The following GTPBP4 variants were observed in gnomAD, a reference collection of about 807,000 sequenced individuals.
GTPBP4 encodes the protein GTP-binding protein 4.
Under a neutral mutation model 81.7 loss-of-function variants are expected in GTPBP4, and 15 were observed. That is an observed-to-expected ratio of 0.18 (90% CI 0.12 to 0.28). The LOEUF is 0.28. Among genes scored for constraint, GTPBP4 ranks in the 10% least tolerant of loss-of-function variants. The probability of loss-of-function intolerance (pLI) is 1.00; values close to 1 mark genes in which losing one functional copy is unlikely to be tolerated. For synonymous variants in GTPBP4, 272 were observed against 274.6 expected, an observed-to-expected ratio of 0.99 and a Z score of 0.09; for missense variants, 847 against 793.8, an observed-to-expected ratio of 1.07 and a Z score of -0.81.
At chr10:1,006,353 T>C (rs950533057) in intron 9 of GTPBP4, among the ~76,000 whole-genome samples, 4 of 152,172 alleles carry the variant, frequency 2.6e-5, no homozygotes, top group African/African-American at 9.6e-5. Context: ...AAAAGGACAT[T>C]TCTGGCCAGG....
intron 9 of GTPBP4, among the ~76,000 whole-genome samples, chr10:1,006,544 A>G (rs1443855346): frequency 3.9e-5 from 6 of 152,220 alleles, no homozygotes; most frequent in Non-Finnish European, 8.8e-5. Flanking sequence ...AGGCTGAGGC[A>G]GGAGAATCGT....
rs768707274 is a variant in GTPBP4, at chr10:1,001,034, G to T, written c.912+21G>T. Reference sequence around the variant, plus strand: ...ATCAGGTAAATCACGTTAATATTTTGAATATTTCTTACTTACCAATTCTGA... The same window carrying T: ...ATCAGGTAAATCACGTTAATATTTTTAATATTTCTTACTTACCAATTCTGA... On this transcript the variant is annotated intron_variant, in intron 8 of 16. Transcript: ENST00000360803. 5 of 1,537,506 alleles carry T rather than the reference G, an allele frequency of 3.3e-6. No homozygotes were observed. The African/African-American group carries it at 5.5e-5, about 17-fold the overall frequency.
Position 1,000,815 on chromosome 10 carries a change from C to T in GTPBP4, c.793C>T (p.Leu265=), listed in dbSNP as rs1459388759. The T allele has an allele frequency of 6.2e-7, 1 of 1,610,834 alleles. No homozygotes were observed. The highest frequency in any genetic ancestry group is 8.5e-7 in the Non-Finnish European group (1 of 1,178,198). Reference sequence around the variant, plus strand: ...TTTGTCTGAGCAGTGTGGGCATGGGCTGAGGGAGCAGCTAGAACTCTTCCA... The same window carrying T: ...TTTGTCTGAGCAGTGTGGGCATGGGTTGAGGGAGCAGCTAGAACTCTTCCA... ...MDLSEQCGHG[L]REQLELFQNI... is the part of the protein sequence containing the mutation. The change falls in exon 7 of 17, where the codon CTG becomes TTG. Residue 265 remains leucine, a synonymous_variant. Transcript: ENST00000360803.
Position 1,005,883 on chromosome 10 carries a change from A to T in GTPBP4, c.978A>T (p.Glu326Asp). The change falls in exon 9 of 17, where the codon GAA becomes GAT. Residue 326 changes from glutamate (E) to aspartate (D), a missense_variant. Glu to Asp is a conservative substitution (Grantham distance 45). This residue lies in a region of GTPBP4 where 600 missense variants were observed against 557.1 expected (regional missense o/e 1.08). Coordinates refer to ENST00000360803, the MANE Select transcript of GTPBP4 (RefSeq NM_012341.3). ...TAGAGACCAGCACCCTGACTGAGGAAGGTGTTATTAAAGTTAAAACAGAGG... is the reference window on the plus strand; with the variant it reads ...TAGAGACCAGCACCCTGACTGAGGATGGTGTTATTAAAGTTAAAACAGAGG... ...PVIETSTLTEEGVIKVKTEAC... is the reference protein window; with the variant it reads ...PVIETSTLTEDGVIKVKTEAC... 9 of 1,584,774 alleles carry T rather than the reference A, an allele frequency of 5.7e-6. No homozygotes were observed. Among genetic ancestry groups the T allele is most frequent in the Non-Finnish European group, 7.8e-6 (9 of 1,160,022 alleles).
rs193079534 is a variant in GTPBP4, at chr10:1,016,129, G to A, written c.1752+233G>A. On this transcript the variant is annotated intron_variant, in intron 16 of 16. Transcript: ENST00000360803. ...TCCTTGGCACTTTGCTTTTGCGGAG[G>A]GTGGCCAGAGCATGGTCTGACAGCA... Among the ~76,000 whole-genome samples, 4 of 152,298 alleles carry A rather than the reference G, an allele frequency of 2.6e-5. No homozygotes were observed. In the East Asian group the frequency reaches 5.8e-4, roughly 22 times the overall value.
chr10:1,006,490 T>A (rs1043008216), intron 9 of GTPBP4, among the ~76,000 whole-genome samples: 2 of 152,086 alleles, frequency 1.3e-5, no homozygotes, highest in African/African-American at 4.8e-5. Context: ...AATACAAAAT[T>A]AGCCGGGCGT....
intron 8 of GTPBP4, among the ~76,000 whole-genome samples, chr10:1,002,036 G>A (rs1446262725): frequency 2.0e-5 from 3 of 151,766 alleles, no homozygotes; most frequent in Non-Finnish European, 4.4e-5. Flanking sequence ...TGATTCTCCT[G>A]CCTCAGCCTC....
chr10:1,003,585 G>A (rs1210868511), intron 8 of GTPBP4, among the ~76,000 whole-genome samples: 1 of 152,112 alleles, frequency 6.6e-6, no homozygotes, highest in Admixed American at 6.6e-5. Context: ...GGGTTTTACT[G>A]TGCCATTTGG....
At chr10:1,001,274 A>C (rs1378579463) in intron 8 of GTPBP4, among the ~76,000 whole-genome samples, 1 of 152,226 alleles carries the variant, frequency 6.6e-6, no homozygotes, top group Non-Finnish European at 1.5e-5. Flanking sequence ...GACTTTTGGA[A>C]AATGTGATTA....
intron 6 of GTPBP4, 24 bp from the exon 7 acceptor site, chr10:1,000,653 A>C: frequency 4.9e-6 from 7 of 1,439,518 alleles, no homozygotes; most frequent in Non-Finnish European, 6.5e-6. Context: ...GTGTGCTTTC[A>C]GTGACAAGGT....
At chr10:1,002,702 C>CT (rs1564468025) in intron 8 of GTPBP4, among the ~76,000 whole-genome samples, 1 of 151,976 alleles carries the variant, frequency 6.6e-6, no homozygotes, top group South Asian at 2.1e-4. Flanking sequence ...TGGCAGTCTT[C>CT]TTTTTTTTCT....
At chr10:991,441 G>A (rs1352538011) in intron 1 of GTPBP4, among the ~76,000 whole-genome samples, 1 of 152,166 alleles carries the variant, frequency 6.6e-6, no homozygotes, top group Non-Finnish European at 1.5e-5. Context: ...GGTAACTCAT[G>A]CAAAAATCCT....
At chr10:995,275 T>C (rs777582135) in intron 2 of GTPBP4, among the ~76,000 whole-genome samples, 3 of 152,036 alleles carry the variant, frequency 2.0e-5, no homozygotes, top group Non-Finnish European at 2.9e-5. Flanking sequence ...AGCACAGGAC[T>C]TAGAGGGGTC....
intron 14 of GTPBP4, 136 bp from the exon 15 acceptor site, chr10:1,014,111 C>G (rs925087168): frequency 9.1e-6 from 5 of 548,696 alleles, no homozygotes; most frequent in Middle Eastern, 5.0e-4. Context: ...AAAGCGGGGC[C>G]CAATAAAAAT....
intron 15 of GTPBP4, among the ~76,000 whole-genome samples, chr10:1,015,200 C>T (rs12245353): frequency 0.018 from 2,689 of 152,336 alleles, 75 homozygotes; most frequent in African/African-American, 0.062. Flanking sequence ...ATTTGACCAA[C>T]AACTAATGTG....
At chr10:999,417 C>A (rs1379913760) in intron 6 of GTPBP4, among the ~76,000 whole-genome samples, 1 of 152,120 alleles carries the variant, frequency 6.6e-6, no homozygotes, top group Non-Finnish European at 1.5e-5. Flanking sequence ...CACACTGCAC[C>A]TGGCAAGAGT....
intron 5 of GTPBP4, 135 bp downstream of exon 5, chr10:997,443 G>A (rs1831554710): frequency 1.6e-5 from 11 of 704,384 alleles, no homozygotes; most frequent in Admixed American, 2.4e-5. Flanking sequence ...GATTCAGGAC[G>A]GCCTTGGTAA....
chr10:1,010,931 C>G (rs1014147686), intron 13 of GTPBP4, among the ~76,000 whole-genome samples: 11 of 150,188 alleles, frequency 7.3e-5, no homozygotes, highest in Non-Finnish European at 1.6e-4. Flanking sequence ...CCCCGAGACT[C>G]TGGTGGAGAT....
At chr10:1,016,095 A>G (rs940320026) in intron 16 of GTPBP4, among the ~76,000 whole-genome samples, 199 bp downstream of exon 16, 13 of 152,184 alleles carry the variant, frequency 8.5e-5, no homozygotes, top group Admixed American at 3.3e-4. Flanking sequence ...GCTGCCCTGG[A>G]TGGACCCCTC....
Sources: allele counts gnomAD v4.1 joint callset (sites outside exome capture counted in the v4.1 genomes callset), GRCh38; gene constraint gnomAD v4.1.1; regional missense constraint gnomAD v4.1.1; transcripts MANE v1.5; gene names NCBI Gene and HGNC (gene_info 2026-07-23, HGNC 2026-07-21).